The following DGLUCY variants were observed in gnomAD, a reference collection of about 807,000 sequenced individuals.
DGLUCY encodes the protein D-glutamate cyclase, mitochondrial.
Under a neutral mutation model 58.5 loss-of-function variants are expected in DGLUCY, and 58 were observed. The ratio of observed to expected loss-of-function variants is 0.99; its 90% CI spans 0.80 to 1.23. DGLUCY has a LOEUF of 1.23. DGLUCY is among the 50% of genes most tolerant of loss of function. The pLI, the probability that DGLUCY is intolerant of heterozygous loss-of-function variation, is 0.00. For synonymous variants in DGLUCY, 325 were observed against 314.1 expected (o/e 1.03, Z -0.37); for missense variants, 779 against 784.7 (o/e 0.99, Z 0.09).
intron 1 of DGLUCY, among the ~76,000 whole-genome samples, chr14:91,141,587 C>T (rs1290758168): frequency 1.4e-5 from 2 of 146,376 alleles, no homozygotes; most frequent in Non-Finnish European, 3.0e-5. Context: ...GAGTCTCACT[C>T]TGTCGCCAGG....
At chr14:91,082,997 A>G (rs926893530) in intron 1 of DGLUCY, among the ~76,000 whole-genome samples, 2 of 152,098 alleles carry the variant, frequency 1.3e-5, no homozygotes, top group African/African-American at 4.8e-5. Flanking sequence ...AGCTCAAGTG[A>G]TCCTCCTGCG....
chr14:91,111,010 T>C (rs1050738504), upstream of DGLUCY, among the ~76,000 whole-genome samples: 1 of 152,128 alleles, frequency 6.6e-6, no homozygotes, highest in Non-Finnish European at 1.5e-5. Flanking sequence ...TTTTTGTGTG[T>C]CTGGCTGATT....
chr14:91,174,244 C>G (rs7142550), intron 6 of DGLUCY, among the ~76,000 whole-genome samples: 13,054 of 152,190 alleles, frequency 0.086, 1,601 homozygotes, highest in African/African-American at 0.27. Flanking sequence ...TCCCCCACAC[C>G]TTGCCCTGGG....
chr14:91,124,493 G>A (rs2045563425), intron 1 of DGLUCY, among the ~76,000 whole-genome samples: 1 of 152,334 alleles, frequency 6.6e-6, no homozygotes, highest in Non-Finnish European at 1.5e-5. Context: ...TAGGCTTTCT[G>A]TGAATGGCAT....
At chr14:91,134,953 C>T (rs1273808042) in intron 1 of DGLUCY, among the ~76,000 whole-genome samples, 1 of 151,860 alleles carries the variant, frequency 6.6e-6, no homozygotes, top group African/African-American at 2.4e-5. Flanking sequence ...GTGACAGGAT[C>T]TCACTCTGTA....
intron 1 of DGLUCY, among the ~76,000 whole-genome samples, chr14:91,062,541 C>G (rs1595595314): frequency 1.4e-5 from 1 of 70,916 alleles, no homozygotes; most frequent in Admixed American, 2.0e-4. Flanking sequence ...GAGCGAGACT[C>G]TGTCTAAAAA....
At chr14:91,126,491 TG>T in intron 1 of DGLUCY, 1 of 229,176 alleles carries the variant, frequency 4.4e-6, no homozygotes, top group Non-Finnish European at 9.2e-6. Flanking sequence ...AATAGGAATC[TG>T]GGGTCATTGT....
intron 9 of DGLUCY, among the ~76,000 whole-genome samples, chr14:91,190,928 G>A (rs930848595): frequency 6.6e-6 from 1 of 152,182 alleles, no homozygotes; most frequent in Non-Finnish European, 1.5e-5. Context: ...TGGAAGGTGG[G>A]AGAGGAGGAC....
At chr14:91,121,219 C>G (rs2045336835) in intron 1 of DGLUCY, among the ~76,000 whole-genome samples, 1 of 152,194 alleles carries the variant, frequency 6.6e-6, no homozygotes, top group African/African-American at 2.4e-5. Flanking sequence ...ATTAGCAGCT[C>G]CAGTGCTTAA....
chr14:91,089,211 A>G (rs929572737), intron 1 of DGLUCY, among the ~76,000 whole-genome samples: 1 of 152,214 alleles, frequency 6.6e-6, no homozygotes, highest in African/African-American at 2.4e-5. Flanking sequence ...GGTGGATTGC[A>G]TCTGAGAAAG....
chr14:91,194,732 G>C (rs1345920349), intron 9 of DGLUCY, among the ~76,000 whole-genome samples: 3 of 152,066 alleles, frequency 2.0e-5, no homozygotes, highest in East Asian at 1.9e-4. Flanking sequence ...GTAGAGACAG[G>C]GTTTCACCAC....
At chr14:91,210,152 C>T (rs1446359792) in intron 12 of DGLUCY, among the ~76,000 whole-genome samples, 1 of 152,120 alleles carries the variant, frequency 6.6e-6, no homozygotes, top group Non-Finnish European at 1.5e-5. Flanking sequence ...TGCCTGTAGT[C>T]CCAGCTGTTC....
intron 13 of DGLUCY, chr14:91,216,116 G>T: frequency 4.6e-6 from 1 of 217,938 alleles, no homozygotes; most frequent in Non-Finnish European, 9.3e-6. Flanking sequence ...GGGGAGCAGG[G>T]GCTTGGGAGA....
At chr14:91,083,663 G>A (rs1369212940) in intron 1 of DGLUCY, among the ~76,000 whole-genome samples, 1 of 152,112 alleles carries the variant, frequency 6.6e-6, no homozygotes, top group Non-Finnish European at 1.5e-5. Context: ...GGGGATGGAG[G>A]CATTTGTTGC....
rs1311271175 is a variant in DGLUCY at position 91,160,304 on chromosome 14, A to G, written c.10A>G (p.Thr4Ala). 3.1e-6 allele frequency: 5 copies of G among 1,612,584 alleles called. No individual in the cohort carries two copies. Among genetic ancestry groups the G allele is most frequent in the Non-Finnish European group, 4.2e-6 (5 of 1,179,082 alleles). Residue 4 changes from threonine to alanine, a missense_variant, in exon 3 of 14, where the codon ACA (threonine) becomes GCA (alanine). Thr to Ala is a moderately conservative substitution (Grantham distance 58). Transcript: ENST00000256324. ...TATTCAAGTTGACACGATGCCCTTC[A>G]CACTCCACCTGAGGTCCCGCCTTCC... MPF[T>A]LHLRSRLPSA...
At chr14:91,111,956 G>A (rs187458812), upstream of DGLUCY, among the ~76,000 whole-genome samples, 49 of 152,230 alleles carry the variant, frequency 3.2e-4, no homozygotes, top group Non-Finnish European at 6.5e-4. Flanking sequence ...AGCTTAACAT[G>A]GCCTGGCACC....
intron 8 of DGLUCY, among the ~76,000 whole-genome samples, chr14:91,182,430 A>G (rs1297026054): frequency 6.6e-6 from 1 of 152,200 alleles, no homozygotes; most frequent in Non-Finnish European, 1.5e-5. Flanking sequence ...GGCAACTGCC[A>G]CCATTAAAAA....
chr14:91,081,068 C>T (rs1372205002), intron 1 of DGLUCY, among the ~76,000 whole-genome samples: 4 of 152,064 alleles, frequency 2.6e-5, no homozygotes, highest in South Asian at 2.1e-4. Flanking sequence ...CTGGGCATGG[C>T]GGCATGCGCC....
At chr14:91,217,044 G>C (rs561610749) in intron 13 of DGLUCY, among the ~76,000 whole-genome samples, 1 of 152,148 alleles carries the variant, frequency 6.6e-6, no homozygotes, top group East Asian at 1.9e-4. Context: ...GCTCTAACCC[G>C]CCTCCTCTGG....
Sources: allele counts gnomAD v4.1 joint callset (sites outside exome capture counted in the v4.1 genomes callset), GRCh38; gene constraint gnomAD v4.1.1; transcripts MANE v1.5; gene names NCBI Gene and HGNC (gene_info 2026-07-23, HGNC 2026-07-21).